RBFOX1: variants seen among roughly 807,000 people sequenced by gnomAD.
RBFOX1 encodes RNA binding protein fox-1 homolog 1.
RBFOX1 carries 8 observed loss-of-function variants against 57.7 expected under a neutral mutation model. The ratio of observed to expected loss-of-function variants is 0.14; its 90% CI spans 0.08 to 0.25. RBFOX1 has a LOEUF of 0.25. Among genes scored for constraint, RBFOX1 ranks in the 10% least tolerant of loss-of-function variants. RBFOX1 has a pLI of 1.00. For missense variants in RBFOX1, 611 were observed against 548.5 expected (o/e 1.11, Z -1.14); for synonymous variants, 326 against 222.4 (o/e 1.47, Z -4.15).
At chr16:5,403,077 C>A (rs1435804329) in intron 1 of RBFOX1, among the ~76,000 whole-genome samples, 1 of 152,046 alleles carries the variant, frequency 6.6e-6, no homozygotes, top group East Asian at 1.9e-4. Flanking sequence ...ACGGGCGGGG[C>A]ATGGTGACTC....
chr16:6,926,684 A>G (rs1180285587), intron 3 of RBFOX1, among the ~76,000 whole-genome samples: 1 of 152,160 alleles, frequency 6.6e-6, no homozygotes, highest in African/African-American at 2.4e-5. Flanking sequence ...GGTTAAGGTA[A>G]AAATGCTACT....
chr16:6,366,085 ATGTGTGTGTG>A (rs71145219), intron 2 of RBFOX1, among the ~76,000 whole-genome samples: 15 of 144,418 alleles, frequency 1.0e-4, no homozygotes, highest in South Asian at 4.6e-4. Context: ...TGGCCATTCT[ATGTGTGTGTG>A]TGTGTGTGTG....
chr16:7,281,633 G>T (rs890949115), intron 4 of RBFOX1, among the ~76,000 whole-genome samples: 1 of 151,982 alleles, frequency 6.6e-6, no homozygotes, highest in African/African-American at 2.4e-5. Flanking sequence ...TTCTTCATGG[G>T]GTTCTAGTCT....
chr16:7,032,639 C>T (rs569195988), intron 3 of RBFOX1, among the ~76,000 whole-genome samples: 1 of 151,944 alleles, frequency 6.6e-6, no homozygotes, highest in Admixed American at 6.6e-5. Flanking sequence ...CCTCCTCAAG[C>T]TAATTGCTTG....
chr16:6,725,394 T>G (rs1039327853), intron 3 of RBFOX1, among the ~76,000 whole-genome samples: 1 of 152,082 alleles, frequency 6.6e-6, no homozygotes, highest in Non-Finnish European at 1.5e-5. Context: ...CAACGAGGTC[T>G]TTGTGACCTG....
chr16:5,325,287 A>G (rs2064537096), intron 1 of RBFOX1, among the ~76,000 whole-genome samples: 2 of 152,026 alleles, frequency 1.3e-5, no homozygotes. Flanking sequence ...GCAGGTTTAC[A>G]GGCATGGCTC....
chr16:5,402,660 G>C (rs766978979), intron 1 of RBFOX1, among the ~76,000 whole-genome samples: 1 of 152,132 alleles, frequency 6.6e-6, no homozygotes, highest in Non-Finnish European at 1.5e-5. Context: ...TCCCGTGGTT[G>C]TGTCTCTTAT....
chr16:6,590,561 T>C (rs117157368), intron 2 of RBFOX1, among the ~76,000 whole-genome samples: 4,669 of 152,302 alleles, frequency 0.031, 111 homozygotes, highest in Non-Finnish European at 0.049. Context: ...GTAACTCATT[T>C]AGTGAGAGTT....
At chr16:5,812,795 G>T (rs936604558) in intron 3 of RBFOX1, among the ~76,000 whole-genome samples, 1 of 152,012 alleles carries the variant, frequency 6.6e-6, no homozygotes, top group Non-Finnish European at 1.5e-5. Flanking sequence ...ATTCTTACAG[G>T]TATATACGGG....
At chr16:7,239,149 A>T (rs2093929700) in intron 4 of RBFOX1, among the ~76,000 whole-genome samples, 1 of 152,114 alleles carries the variant, frequency 6.6e-6, no homozygotes, top group African/African-American at 2.4e-5. Context: ...GCCTTTCCTA[A>T]ACCATGCAGT....
intron 4 of RBFOX1, among the ~76,000 whole-genome samples, chr16:7,449,208 C>G (rs527355615): frequency 6.6e-6 from 1 of 152,050 alleles, no homozygotes; most frequent in Non-Finnish European, 1.5e-5. Flanking sequence ...GGATTACAGG[C>G]GTGAGCCACC....
At chr16:5,356,563 C>T (rs1189365469) in intron 1 of RBFOX1, among the ~76,000 whole-genome samples, 1 of 152,166 alleles carries the variant, frequency 6.6e-6, no homozygotes, top group Non-Finnish European at 1.5e-5. Context: ...AAGATTTTAT[C>T]TCTCTGTTGT....
intron 3 of RBFOX1, among the ~76,000 whole-genome samples, chr16:5,739,208 A>G (rs1050911548): frequency 2.6e-5 from 4 of 152,242 alleles, no homozygotes; most frequent in African/African-American, 9.6e-5. Context: ...GCAAGGAAGG[A>G]TGAAAGAAAA....
chr16:6,550,094 C>T (rs543852429), intron 2 of RBFOX1, among the ~76,000 whole-genome samples: 2 of 152,174 alleles, frequency 1.3e-5, no homozygotes, highest in Admixed American at 1.3e-4. Flanking sequence ...GTGCCTCCAG[C>T]TGAAACATTT....
intron 3 of RBFOX1, among the ~76,000 whole-genome samples, chr16:6,895,482 A>ATATG (rs2066643301): frequency 1.1e-5 from 1 of 93,952 alleles, no homozygotes; most frequent in Non-Finnish European, 2.2e-5. Context: ...ATATATATAT[A>ATATG]TATATTTATT....
intron 3 of RBFOX1, among the ~76,000 whole-genome samples, chr16:6,713,428 G>C (rs970100844): frequency 6.6e-6 from 1 of 151,980 alleles, no homozygotes; most frequent in Non-Finnish European, 1.5e-5. Flanking sequence ...CTCAACCTTG[G>C]TATTGGGACA....
chr16:5,972,378 A>C (rs1354354604), intron 4 of RBFOX1, among the ~76,000 whole-genome samples: 2 of 152,224 alleles, frequency 1.3e-5, no homozygotes, highest in Non-Finnish European at 2.9e-5. Flanking sequence ...TCAATAGTGC[A>C]TGATATGCAT....
At chr16:5,603,249 C>T (rs1463989779), downstream of RBFOX1, among the ~76,000 whole-genome samples, 1 of 152,214 alleles carries the variant, frequency 6.6e-6, no homozygotes. Flanking sequence ...TAGGAAGTAC[C>T]TGGCATTGCA....
At chr16:6,483,750 G>A in intron 2 of RBFOX1, 3 of 1,426,000 alleles carry the variant, frequency 2.1e-6, no homozygotes, top group Non-Finnish European at 2.7e-6. Flanking sequence ...TGTGGCAGAG[G>A]AGCAGCCGTC....
Sources: gnomAD v4.1 joint callset for allele counts (sites outside exome capture counted in the v4.1 genomes callset) on GRCh38, gnomAD v4.1.1 for gene constraint, MANE v1.5 for transcripts, NCBI Gene and HGNC (gene_info 2026-07-23, HGNC 2026-07-21) for gene names.